PTPRU: variants seen among roughly 807,000 people sequenced by gnomAD.
PTPRU encodes the protein protein tyrosine phosphatase receptor type U, also known as receptor-type tyrosine-protein phosphatase U.
A neutral mutation model predicts 166.3 loss-of-function variants in PTPRU; 69 were observed. The ratio of observed to expected loss-of-function variants is 0.41; its 90% confidence interval spans 0.34 to 0.51. PTPRU has a LOEUF of 0.51. Among genes scored for constraint, PTPRU ranks in the 20% least tolerant of loss-of-function variants. The pLI is 0.09. For missense variants in PTPRU, 1,657 were observed against 2,013.7 expected (o/e 0.82, Z 3.39); for synonymous variants, 793 against 814.0 (o/e 0.97, Z 0.44).
intron 1 of PTPRU, 52 bp from the exon 2 acceptor site, chr1:29,255,223 C>T: frequency 1.9e-6 from 3 of 1,585,306 alleles, no homozygotes; most frequent in Non-Finnish European, 2.6e-6. Flanking sequence ...CAGGAGCCCT[C>T]CTGGCCAGCA....
At chr1:29,270,802 A>G (rs150147669) in intron 7 of PTPRU, among the ~76,000 whole-genome samples, 1 of 152,166 alleles carries the variant, frequency 6.6e-6, no homozygotes, top group Admixed American at 6.5e-5. Flanking sequence ...TGTCTCTACA[A>G]AAAACACAAA....
chr1:29,284,199 C>T (rs903115545), intron 13 of PTPRU, among the ~76,000 whole-genome samples: 2 of 152,034 alleles, frequency 1.3e-5, no homozygotes, highest in Non-Finnish European at 2.9e-5. Context: ...GGAGAGGAGC[C>T]ATTATAGTTG....
chr1:29,284,916 G>C, intron 14 of PTPRU, 47 bp downstream of exon 14: 1 of 1,562,686 alleles, frequency 6.4e-7, no homozygotes, highest in South Asian at 1.2e-5. Context: ...CTACCCCTTA[G>C]AGGCCTGGTG....
At position 29,280,673 on chromosome 1, in the gene PTPRU, G is replaced by A. The variant is rs1686025388; in HGVS notation, c.1868+532G>A. 1.3e-5 allele frequency among the ~76,000 whole-genome samples: 2 copies of A among 151,826 alleles called. No homozygotes were observed. Among genetic ancestry groups the A allele is most frequent in the Admixed American group, 6.6e-5 (1 of 15,222 alleles). ...ACTGTGTGTGTGTGTGTGTGTGTGT[G>A]TGTGTGTATGTGGGATGTGAAACTG... On this transcript the variant is annotated intron_variant, in intron 11 of 29. Coordinates refer to ENST00000373779, the MANE Select transcript of PTPRU (RefSeq NM_133178.4). The surrounding 1 kb of genome is among the most constrained non-coding windows in gnomAD (Gnocchi z 4.2).
chr1:29,262,677 T>G (rs1685121518), intron 7 of PTPRU, among the ~76,000 whole-genome samples: 1 of 152,160 alleles, frequency 6.6e-6, no homozygotes, highest in Non-Finnish European at 1.5e-5. Flanking sequence ...CCACTAGGGG[T>G]CTTGGAATGT....
At chr1:29,245,762 A>G (rs1030488234) in intron 1 of PTPRU, among the ~76,000 whole-genome samples, 1 of 152,084 alleles carries the variant, frequency 6.6e-6, no homozygotes, top group Non-Finnish European at 1.5e-5. Flanking sequence ...TGGGAAGGTG[A>G]ATTCTCCTGG....
In PTPRU at chr1:29,321,219, T is replaced by C. The variant is rs979750223; in HGVS notation, c.3828+394T>C. Among the ~76,000 whole-genome samples the C allele has an allele frequency of 8.8e-3, 1,254 of 142,656 alleles. 4 individuals are homozygous for C. The highest frequency in any genetic ancestry group is 0.018 in the Middle Eastern group (5 of 276). 93.6% of individuals were successfully genotyped at this position (142,656 alleles called of 152,430 possible). On this transcript the variant is annotated intron_variant, in intron 26 of 29. Transcript: ENST00000373779. Reference sequence around the variant, plus strand: ...TGATTTTTTTTTTTTTTTTTTTTTTTCAGTAGAGACAAGGTCTCACTGTGT... The same window carrying C: ...TGATTTTTTTTTTTTTTTTTTTTTTCCAGTAGAGACAAGGTCTCACTGTGT...
intron 26 of PTPRU, among the ~76,000 whole-genome samples, chr1:29,321,917 TAC>T (rs1346506917): frequency 2.0e-5 from 3 of 152,166 alleles, no homozygotes; most frequent in African/African-American, 4.8e-5. Flanking sequence ...TCCCAAGAAG[TAC>T]AGATACCCAG....
intron 8 of PTPRU, among the ~76,000 whole-genome samples, chr1:29,276,489 T>C (rs1002733335): frequency 2.0e-5 from 3 of 152,190 alleles, no homozygotes; most frequent in African/African-American, 7.2e-5. Context: ...CTAATTTTTT[T>C]GTATTTTTTG....
At position 29,282,800 on chromosome 1, in the gene PTPRU, T is replaced by C. The variant is rs751757583; in HGVS notation, c.1993T>C (p.Phe665Leu). Residue 665 changes from phenylalanine to leucine, a missense_variant, in exon 12 of 30, where the codon TTC (phenylalanine) becomes CTC (leucine). By Grantham distance (22) the Phe-to-Leu change is conservative (BLOSUM62 0). Coordinates refer to ENST00000373779, the MANE Select transcript of PTPRU (RefSeq NM_133178.4). Reference sequence around the variant, plus strand: ...GCTGGCCCGAGGCCTGGTGCACTACTTCGGGGCCGAACTGGCGGCCAGCAG... The same window carrying C: ...GCTGGCCCGAGGCCTGGTGCACTACCTCGGGGCCGAACTGGCGGCCAGCAG... Reference protein sequence around the residue: ...AALARGLVHYFGAELAASSLP... With the variant: ...AALARGLVHYLGAELAASSLP... 1.5e-5 allele frequency: 25 copies of C among 1,614,010 alleles called. No individual in the cohort carries two copies. The highest frequency in any genetic ancestry group is 2.1e-5 in the Non-Finnish European group (25 of 1,180,016).
intron 1 of PTPRU, among the ~76,000 whole-genome samples, chr1:29,253,180 C>T (rs1311890783): frequency 6.6e-6 from 1 of 152,214 alleles, no homozygotes; most frequent in Non-Finnish European, 1.5e-5. Flanking sequence ...AGCTTCCTTG[C>T]CCTTTCTGGA....
chr1:29,304,932 GC>G, intron 17 of PTPRU, 83 bp downstream of exon 17: 1 of 1,344,016 alleles, frequency 7.4e-7, no homozygotes. Flanking sequence ...GTGAGCTGGG[GC>G]AGCCTCAGAG....
At chr1:29,269,424 C>G (rs1261608185) in intron 7 of PTPRU, among the ~76,000 whole-genome samples, 1 of 151,258 alleles carries the variant, frequency 6.6e-6, no homozygotes, top group Non-Finnish European at 1.5e-5. Context: ...GCAGCAGCAG[C>G]AGCTGCTGCT....
At position 29,260,050 on chromosome 1, in the gene PTPRU, C is replaced by T. The variant is rs2151945378; in HGVS notation, c.850+6C>T. 7.4e-7 allele frequency: 1 copy of T among 1,349,702 alleles called. No homozygotes were observed. Among genetic ancestry groups the T allele is most frequent in the East Asian group, 3.2e-5 (1 of 31,018 alleles). The allele number at this position is 1,349,702 out of a possible 1,614,324, so 83.6% of individuals were successfully genotyped here. On this transcript the variant is annotated splice_donor_region_variant and intron_variant, in intron 6 of 29. Coordinates refer to ENST00000373779, the MANE Select transcript of PTPRU (RefSeq NM_133178.4). The surrounding 1 kb of genome is among the most constrained non-coding windows in gnomAD (Gnocchi z 8.3). ...CGCGGAGCTCATCGTCAAGGGTCAG[C>T]TGGTGGACGCCGGGGAGCGCCGGGA... is the stretch of plus-strand genomic sequence containing the variant.
intron 13 of PTPRU, among the ~76,000 whole-genome samples, 178 bp from the exon 14 acceptor site, chr1:29,284,553 A>C (rs1445910305): frequency 1.3e-5 from 2 of 152,150 alleles, no homozygotes; most frequent in African/African-American, 4.8e-5. Context: ...TGTGGCGTGG[A>C]AGTGCAGAAG....
intron 12 of PTPRU, 110 bp from the exon 13 acceptor site, chr1:29,283,830 G>A: frequency 7.5e-7 from 1 of 1,334,172 alleles, no homozygotes; most frequent in Non-Finnish European, 1.1e-6. Flanking sequence ...GATGCCATCA[G>A]CACAAGACAA....
At chr1:29,278,407 G>A (rs1685912941) in intron 8 of PTPRU, among the ~76,000 whole-genome samples, 1 of 152,168 alleles carries the variant, frequency 6.6e-6, no homozygotes, top group African/African-American at 2.4e-5. Context: ...TCCTGTGCCT[G>A]CCATTAACAG....
intron 15 of PTPRU, among the ~76,000 whole-genome samples, chr1:29,300,976 GTA>G (rs1327105932): frequency 6.6e-6 from 1 of 152,170 alleles, no homozygotes; most frequent in Non-Finnish European, 1.5e-5. Flanking sequence ...TGAAGGATGA[GTA>G]TGAGTTCATC....
chr1:29,277,705 CTATTTCTATTCCCATTT>C (rs1010358226), intron 8 of PTPRU, among the ~76,000 whole-genome samples: 4 of 147,604 alleles, frequency 2.7e-5, no homozygotes, highest in Admixed American at 6.8e-5. Context: ...TGGTAGGTTA[CTATTTCTATTCCCATTT>C]TATTTCTATT....
Sources: allele counts gnomAD v4.1 joint callset (sites outside exome capture counted in the v4.1 genomes callset), GRCh38; gene constraint gnomAD v4.1.1; non-coding constraint Gnocchi (gnomAD v3.1); transcripts MANE v1.5; gene names NCBI Gene and HGNC (gene_info 2026-07-23, HGNC 2026-07-21).